RSPO2: variants seen among roughly 807,000 people sequenced by gnomAD.
The protein encoded by RSPO2 is R-spondin-2.
In RSPO2, 14 loss-of-function variants were observed where a neutral mutation model predicts 30.9. That is an observed-to-expected ratio of 0.45 (90% confidence interval 0.30 to 0.71). The LOEUF is 0.71. Among genes scored for constraint, RSPO2 ranks in the 30% least tolerant of loss-of-function variants. The probability of loss-of-function intolerance (pLI) is 0.08; values close to 1 mark genes in which losing one functional copy is unlikely to be tolerated. For synonymous variants in RSPO2, 107 were observed against 96.4 expected (o/e 1.11, Z -0.64); for missense variants, 264 against 301.9 (o/e 0.87, Z 0.93).
At chr8:108,062,055 T>C (rs1174857811) in intron 2 of RSPO2, among the ~76,000 whole-genome samples, 1 of 151,806 alleles carries the variant, frequency 6.6e-6, no homozygotes, top group Non-Finnish European at 1.5e-5. Flanking sequence ...GGGAAACTTA[T>C]AGCACTAAAT....
intron 3 of RSPO2, among the ~76,000 whole-genome samples, chr8:107,965,151 G>A (rs897123638): frequency 5.9e-5 from 9 of 152,098 alleles, no homozygotes; most frequent in Non-Finnish European, 1.0e-4. Flanking sequence ...TTAAGTCCTC[G>A]TTCAAATAAA....
At chr8:108,072,319 CTTTT>C (rs34402426) in intron 2 of RSPO2, among the ~76,000 whole-genome samples, 2 of 84,274 alleles carry the variant, frequency 2.4e-5, no homozygotes, top group Admixed American at 1.5e-4. Flanking sequence ...TGGCAGAGAA[CTTTT>C]TTTTTTTTTT....
intron 2 of RSPO2, among the ~76,000 whole-genome samples, chr8:108,066,524 AC>A (rs1234618178): frequency 2.0e-5 from 3 of 152,130 alleles, no homozygotes; most frequent in African/African-American, 7.2e-5. Flanking sequence ...CCTCCATCTG[AC>A]AAGGAATGGC....
chr8:107,968,823 T>C (rs1481919789), intron 3 of RSPO2, among the ~76,000 whole-genome samples: 2 of 151,658 alleles, frequency 1.3e-5, no homozygotes, highest in Non-Finnish European at 2.9e-5. Flanking sequence ...ATGGAAAAAA[T>C]AGATATAATT....
At chr8:108,036,435 C>T (rs2130646993) in intron 2 of RSPO2, among the ~76,000 whole-genome samples, 1 of 152,328 alleles carries the variant, frequency 6.6e-6, no homozygotes, top group Admixed American at 6.5e-5. Context: ...CAAGTTTCTG[C>T]ACCTATGACA....
chr8:108,047,979 A>G (rs1326973973), intron 2 of RSPO2, among the ~76,000 whole-genome samples: 2 of 152,124 alleles, frequency 1.3e-5, no homozygotes, highest in African/African-American at 4.8e-5. Context: ...TAGAGAACAA[A>G]TTATGTTAAA....
chr8:107,940,677 TAG>T (rs959028335), intron 5 of RSPO2, among the ~76,000 whole-genome samples: 7 of 152,144 alleles, frequency 4.6e-5, no homozygotes, highest in Admixed American at 1.3e-4. Context: ...GCAAGCAATG[TAG>T]ATTCAAGTCC....
chr8:108,018,437 T>G (rs1197010498), intron 2 of RSPO2, among the ~76,000 whole-genome samples: 2 of 152,178 alleles, frequency 1.3e-5, no homozygotes, highest in African/African-American at 2.4e-5. Flanking sequence ...CCAGCTTAAC[T>G]GAGACCACAT....
intron 2 of RSPO2, among the ~76,000 whole-genome samples, chr8:108,004,629 T>C (rs1369103707): frequency 6.6e-6 from 1 of 152,234 alleles, no homozygotes; most frequent in Non-Finnish European, 1.5e-5. Flanking sequence ...TGGAAAACTG[T>C]AAATGGTACT....
At chr8:107,944,395 A>G (rs923289974) in intron 5 of RSPO2, among the ~76,000 whole-genome samples, 1 of 152,212 alleles carries the variant, frequency 6.6e-6, no homozygotes, top group Non-Finnish European at 1.5e-5. Flanking sequence ...GAAAGATTGT[A>G]AGCCACTTAA....
At chr8:107,968,543 T>C (rs1019450463) in intron 3 of RSPO2, among the ~76,000 whole-genome samples, 4 of 152,070 alleles carry the variant, frequency 2.6e-5, no homozygotes, top group African/African-American at 9.7e-5. Context: ...GGAAAAACTA[T>C]AGTTAGTAAT....
chr8:107,989,127 T>C lies in RSPO2; in HGVS notation c.212A>G (p.Tyr71Cys), dbSNP rs765551185. The C allele has an allele frequency of 1.9e-6, 3 of 1,612,442 alleles. No homozygotes were observed. Among genetic ancestry groups the C allele is most frequent in the South Asian group, 1.1e-5 (1 of 90,774 alleles). The change falls in exon 3 of 6, where the codon TAT (tyrosine) becomes TGT (cysteine). Residue 71 changes from tyrosine (Y) to cysteine (C), a missense_variant. Tyr to Cys is a radical substitution (Grantham distance 194, BLOSUM62 -2). Transcript: ENST00000276659. Reference sequence around the variant, plus strand: ...TGGGCAGGAATGCAGGCACTCTCCATACTGGCGCATCCCTTCTCTTCGAAG... The same window carrying C: ...TGGGCAGGAATGCAGGCACTCTCCACACTGGCGCATCCCTTCTCTTCGAAG... ...FFLRREGMRQ[Y>C]GECLHSCPSG...
chr8:107,949,797 A>C (rs1813183523), intron 5 of RSPO2, among the ~76,000 whole-genome samples: 1 of 152,190 alleles, frequency 6.6e-6, no homozygotes, highest in Admixed American at 6.5e-5. Flanking sequence ...CGATGGTTAC[A>C]CTAAAAGCCT....
chr8:107,970,925 G>A (rs1272380561), intron 3 of RSPO2, among the ~76,000 whole-genome samples: 1 of 152,208 alleles, frequency 6.6e-6, no homozygotes, highest in Non-Finnish European at 1.5e-5. Context: ...GATGATAAAA[G>A]TAGATACAGT....
intron 2 of RSPO2, among the ~76,000 whole-genome samples, chr8:108,077,415 A>C (rs545030312): frequency 6.6e-6 from 1 of 152,208 alleles, no homozygotes; most frequent in East Asian, 1.9e-4. Context: ...AGGAGAGAAG[A>C]ACAGGTGGAA....
At chr8:107,944,590 A>G (rs1288473223) in intron 5 of RSPO2, among the ~76,000 whole-genome samples, 2 of 152,212 alleles carry the variant, frequency 1.3e-5, no homozygotes, top group African/African-American at 2.4e-5. Context: ...ATTGCATTAC[A>G]TCTGAGCAAT....
chr8:107,978,747 T>TA (rs1586596192), intron 3 of RSPO2, among the ~76,000 whole-genome samples: 2 of 152,074 alleles, frequency 1.3e-5, no homozygotes, highest in South Asian at 4.1e-4. Flanking sequence ...ACAGGCAACC[T>TA]AAAAAATGGG....
chr8:108,011,976 G>A (rs1178251443), intron 2 of RSPO2, among the ~76,000 whole-genome samples: 1 of 152,132 alleles, frequency 6.6e-6, no homozygotes, highest in Admixed American at 6.5e-5. Flanking sequence ...AAAGATTTGT[G>A]TCATTTAAGC....
At position 107,900,989 on chromosome 8, in the gene RSPO2, C is replaced by G; in HGVS notation, c.*86G>C. On this transcript the variant is annotated 3_prime_UTR_variant, in exon 6 of 6. Transcript: ENST00000276659. ...GATACTGGGCAGAGCAGCACAAAGG[C>G]TGCACACCAGTGTGCAGGAGTGGAG... 1 of 1,433,302 alleles carries G rather than the reference C, an allele frequency of 7.0e-7. No homozygotes were observed. Among genetic ancestry groups the G allele is most frequent in the Non-Finnish European group, 9.6e-7 (1 of 1,043,384 alleles). The allele number at this position is 1,433,302 out of a possible 1,614,324, so 88.8% of individuals were successfully genotyped here. A position where few individuals can be genotyped will look rare whatever the true frequency, so the allele number is the denominator to read the frequency against.
Sources: gnomAD v4.1 joint callset for allele counts (sites outside exome capture counted in the v4.1 genomes callset) on GRCh38, gnomAD v4.1.1 for gene constraint, MANE v1.5 for transcripts, NCBI Gene and HGNC (gene_info 2026-07-23, HGNC 2026-07-21) for gene names.